Variants in PRKD1 observed in about 807,000 individuals in gnomAD.
PRKD1 encodes the protein protein kinase D1.
In PRKD1, 63 loss-of-function variants were observed where a neutral mutation model predicts 95.9. The observed-to-expected ratio is 0.66, with a 90% CI of 0.54 to 0.81. The LOEUF is 0.81. Among genes scored for constraint, PRKD1 ranks in the 30% least tolerant of loss-of-function variants. The probability of loss-of-function intolerance (pLI) is 0.00; values close to 1 mark genes in which losing one functional copy is unlikely to be tolerated. For missense variants in PRKD1, 1,048 were observed against 1,165.3 expected, an observed-to-expected ratio of 0.90 and a Z score of 1.47; for synonymous variants, 425 against 423.1, an observed-to-expected ratio of 1.00 and a Z score of -0.05.
intron 1 of PRKD1, among the ~76,000 whole-genome samples, chr14:29,916,997 C>CCA (rs1332910455): frequency 6.6e-6 from 1 of 152,066 alleles, no homozygotes; most frequent in East Asian, 1.9e-4. Context: ...AGAGGCCCTA[C>CCA]CAGAACACAA....
chr14:29,744,956 T>C (rs1887145436), intron 1 of PRKD1, among the ~76,000 whole-genome samples: 1 of 152,190 alleles, frequency 6.6e-6, no homozygotes, highest in Admixed American at 6.5e-5. Flanking sequence ...TCCAAACTAT[T>C]ACATCGCCAC....
intron 2 of PRKD1, among the ~76,000 whole-genome samples, chr14:29,706,393 C>T (rs550581157): frequency 6.6e-6 from 1 of 152,130 alleles, no homozygotes; most frequent in East Asian, 1.9e-4. Flanking sequence ...TTGTTAGATG[C>T]TGTTAAAATT....
At chr14:29,601,656 A>G (rs1893526625) in intron 13 of PRKD1, among the ~76,000 whole-genome samples, 2 of 152,224 alleles carry the variant, frequency 1.3e-5, no homozygotes, top group Admixed American at 1.3e-4. Flanking sequence ...TTACTTGCAA[A>G]TAAGAGCAGA....
chr14:29,856,857 G>A (rs971890793), intron 1 of PRKD1, among the ~76,000 whole-genome samples: 7 of 152,122 alleles, frequency 4.6e-5, no homozygotes, highest in East Asian at 1.9e-4. Context: ...CATTTGCCTC[G>A]GTATGCAGAA....
chr14:29,864,762 G>A (rs1212326430), intron 1 of PRKD1, among the ~76,000 whole-genome samples: 1 of 152,102 alleles, frequency 6.6e-6, no homozygotes, highest in Non-Finnish European at 1.5e-5. Context: ...ATGAGATTGA[G>A]GAGGGCAGGG....
At position 29,821,734 on chromosome 14, in the gene PRKD1, C is replaced by T. The variant is rs562268864; in HGVS notation, c.265-96060G>A. 2.0e-5 allele frequency among the ~76,000 whole-genome samples: 3 copies of T among 152,246 alleles called. No homozygotes were observed. In the South Asian group the frequency reaches 6.2e-4, roughly 32 times the overall value. ...TAAAAATTACTGATGGGCAAAATATCATAATAAACCATTGTTAAAATAATA... is the reference window on the plus strand; with the variant it reads ...TAAAAATTACTGATGGGCAAAATATTATAATAAACCATTGTTAAAATAATA... On this transcript the variant is annotated intron_variant, in intron 1 of 17. Coordinates refer to ENST00000331968, the MANE Select transcript of PRKD1 (RefSeq NM_002742.3).
At chr14:29,820,808 T>C (rs1890881228) in intron 1 of PRKD1, among the ~76,000 whole-genome samples, 1 of 152,198 alleles carries the variant, frequency 6.6e-6, no homozygotes, top group African/African-American at 2.4e-5. Context: ...GGAATAGCAG[T>C]TAACATGTAA....
chr14:29,910,468 C>A (rs1469970106), intron 1 of PRKD1, among the ~76,000 whole-genome samples: 1 of 152,176 alleles, frequency 6.6e-6, no homozygotes, highest in Non-Finnish European at 1.5e-5. Flanking sequence ...CAAGAACCCA[C>A]CAATTTTGGA....
chr14:29,746,948 T>C (rs755798299), intron 1 of PRKD1, among the ~76,000 whole-genome samples: 100 of 152,242 alleles, frequency 6.6e-4, no homozygotes, highest in Non-Finnish European at 1.3e-3. Context: ...TCTGTGATTA[T>C]GTTTCACTAC....
chr14:29,878,421 G>T (rs1301860044), intron 1 of PRKD1, among the ~76,000 whole-genome samples: 1 of 135,604 alleles, frequency 7.4e-6, no homozygotes, highest in Admixed American at 7.7e-5. Flanking sequence ...ATACTGAAAA[G>T]AAGTGAAAAC....
At chr14:29,688,830 G>A (rs979989867) in intron 2 of PRKD1, among the ~76,000 whole-genome samples, 1 of 151,594 alleles carries the variant, frequency 6.6e-6, no homozygotes. Flanking sequence ...CTACTTGAGA[G>A]GCTGAGGCAG....
intron 4 of PRKD1, among the ~76,000 whole-genome samples, chr14:29,640,233 G>C (rs1372642642): frequency 6.6e-6 from 1 of 152,068 alleles, no homozygotes; most frequent in East Asian, 1.9e-4. Flanking sequence ...ACCTACATTT[G>C]TTTGCCTCCA....
In PRKD1 at chr14:29,878,679, C is replaced by T. The variant is rs535166819; in HGVS notation, c.264+48570G>A. Among the ~76,000 whole-genome samples, 6 of 152,154 alleles carry T rather than the reference C, an allele frequency of 3.9e-5. No individual in the cohort carries two copies. The East Asian group carries it at 7.7e-4, about 20-fold the overall frequency. ...CAAAAGAATGAACATTGTATGATTC[C>T]ACTTATATGAAATATTTAAGATAGC... On this transcript the variant is annotated intron_variant, in intron 1 of 17. Coordinates refer to ENST00000331968, the MANE Select transcript of PRKD1 (RefSeq NM_002742.3).
rs1040709002 is a variant in PRKD1 at position 29,583,183 on chromosome 14, A to T, written c.2435-4823T>A. On this transcript the variant is annotated intron_variant, in intron 16 of 17. Transcript: ENST00000331968. ...TTGGTACCCTGTACCTCCTTCTATA[A>T]AAACAGCAAAAGGACTATATCCAAA... Among the ~76,000 whole-genome samples the T allele has an allele frequency of 2.0e-5, 3 of 152,280 alleles. No homozygotes were observed. The South Asian group carries it at 6.2e-4, about 32-fold the overall frequency.
intron 1 of PRKD1, among the ~76,000 whole-genome samples, chr14:29,728,163 TA>T (rs34448868): frequency 4.6e-5 from 7 of 151,558 alleles, no homozygotes; most frequent in African/African-American, 1.2e-4. Context: ...AGTATAATAA[TA>T]AAAAAAAGAA....
rs541388807 is a variant in PRKD1 at position 29,731,112 on chromosome 14, G to A, written c.265-5438C>T. ...TAGTTCAAAACATGATGTGGTATAT[G>A]GTAAATATACATAAGTTTTGTCAAC... On this transcript the variant is annotated intron_variant, in intron 1 of 17. Transcript: ENST00000331968. Among the ~76,000 whole-genome samples the A allele has an allele frequency of 3.8e-4, 58 of 152,094 alleles. 1 individual carries two copies. The highest frequency in any genetic ancestry group is 1.3e-3 in the African/African-American group (56 of 41,524).
intron 2 of PRKD1, among the ~76,000 whole-genome samples, chr14:29,711,199 T>C (rs914850158): frequency 2.6e-5 from 4 of 152,142 alleles, no homozygotes; most frequent in Non-Finnish European, 5.9e-5. Flanking sequence ...TAATTAAATA[T>C]TTTTCATTAA....
chr14:29,850,450 CAA>C (rs1173615705), intron 1 of PRKD1, among the ~76,000 whole-genome samples: 1 of 130,984 alleles, frequency 7.6e-6, no homozygotes, highest in Non-Finnish European at 1.6e-5. Context: ...CAACCCCATT[CAA>C]AACACACACA....
At position 29,822,174 on chromosome 14, in the gene PRKD1, C is replaced by T. The variant is rs1224266509; in HGVS notation, c.265-96500G>A. Among the ~76,000 whole-genome samples, 7 of 152,190 alleles carry T rather than the reference C, an allele frequency of 4.6e-5. No individual in the cohort carries two copies. In the East Asian group the frequency reaches 1.3e-3, roughly 29 times the overall value. Reference sequence around the variant, plus strand: ...AAGCAATCTGTTTTTCTTGTACAATCATTTGAATAAATAATGCTCAGTCAT... The same window carrying T: ...AAGCAATCTGTTTTTCTTGTACAATTATTTGAATAAATAATGCTCAGTCAT... On this transcript the variant is annotated intron_variant, in intron 1 of 17. Transcript: ENST00000331968.
Sources: allele counts gnomAD v4.1 joint callset (sites outside exome capture counted in the v4.1 genomes callset), GRCh38; gene constraint gnomAD v4.1.1; transcripts MANE v1.5; gene names NCBI Gene and HGNC (gene_info 2026-07-23, HGNC 2026-07-21).